Variants in DNAJB1 observed in about 807,000 individuals in gnomAD.
The protein encoded by DNAJB1 is DnaJ heat shock protein family (Hsp40) member B1.
DNAJB1 carries 14 observed loss-of-function variants against 24.0 expected under a neutral mutation model. The observed-to-expected ratio is 0.58, with a 90% CI of 0.39 to 0.91. DNAJB1 has a LOEUF of 0.91. Ranked by LOEUF, DNAJB1 falls within the 40% of genes least tolerant of loss-of-function variation. The pLI, the probability that DNAJB1 is intolerant of heterozygous loss-of-function variation, is 0.00. For synonymous variants in DNAJB1, 262 were observed against 174.4 expected, an observed-to-expected ratio of 1.50 and a Z score of -3.96; for missense variants, 517 against 458.1, an observed-to-expected ratio of 1.13 and a Z score of -1.17.
At position 14,516,762 on chromosome 19, in the gene DNAJB1, G is replaced by C; in HGVS notation, c.496C>G (p.His166Asp). ...ARKKQDPPVT[H>D]DLRVSLEEIY... ...TCTTCAAGGGAGACTCGAAGGTCGT[G>C]GGTGACTGGGGGATCTTGCTTCTTT... is the stretch of plus-strand genomic sequence containing the variant. Residue 166 changes from histidine to aspartate, a missense_variant, in exon 2 of 3, where the codon CAC becomes GAC. By Grantham distance (81) the His-to-Asp change is moderately conservative. Coordinates refer to ENST00000254322, the MANE Select transcript of DNAJB1 (RefSeq NM_006145.3). 1 of 1,614,022 alleles carries C rather than the reference G, an allele frequency of 6.2e-7. No individual in the cohort carries two copies. Among genetic ancestry groups the C allele is most frequent in the Non-Finnish European group, 8.5e-7 (1 of 1,180,030 alleles).
Position 14,515,875 on chromosome 19 carries a change from A to T in DNAJB1, c.*65T>A, listed in dbSNP as rs1160056395. ...CACCCTCTCATGGTCCACAACTGGT[A>T]GAAAGGTCCAGAAATCCTTGAGCTC... On this transcript the variant is annotated 3_prime_UTR_variant, in exon 3 of 3. Transcript: ENST00000254322. The T allele has an allele frequency of 4.6e-6, 7 of 1,511,578 alleles. No individual in the cohort carries two copies. The highest frequency in any genetic ancestry group is 6.3e-6 in the Non-Finnish European group (7 of 1,105,102). 93.6% of individuals were successfully genotyped at this position (1,511,578 alleles called of 1,614,324 possible). A position where few individuals can be genotyped will look rare whatever the true frequency, so the allele number is the denominator to read the frequency against.
At chr19:14,558,434 C>A (rs747331677) in intron 1 of DNAJB1, among the ~76,000 whole-genome samples, 1 of 152,182 alleles carries the variant, frequency 6.6e-6, no homozygotes, top group Non-Finnish European at 1.5e-5. Context: ...CGCTTCACGC[C>A]GCACCGTGTG....
chr19:14,518,012 G>T, intron 1 of DNAJB1, 127 bp downstream of exon 1: 1 of 1,059,162 alleles, frequency 9.4e-7, no homozygotes, highest in Non-Finnish European at 1.2e-6. Context: ...CGCGAGGCCG[G>T]AGGGCGGGGC....
upstream of DNAJB1, chr19:14,529,349 AG>A (rs2072519880): frequency 4.3e-6 from 2 of 466,444 alleles, no homozygotes; most frequent in Admixed American, 3.4e-5. Context: ...GGCGTGGCAA[AG>A]GGACGCGCGG....
chr19:14,529,480 C>A, upstream of DNAJB1: 1 of 685,334 alleles, frequency 1.5e-6, no homozygotes, highest in Non-Finnish European at 2.7e-6. Context: ...TGGTGCTAGT[C>A]CTAGTCTTGG....
At chr19:14,517,161 G>T in intron 1 of DNAJB1, 115 bp from the exon 2 acceptor site, 1 of 1,114,452 alleles carries the variant, frequency 9.0e-7, no homozygotes, top group Non-Finnish European at 1.3e-6. Flanking sequence ...TTGTCTGTCA[G>T]GGGAGAGCAA....
Position 14,543,896 on chromosome 19 carries a change from C to T in DNAJB1, c.-214+6312G>A, listed in dbSNP as rs1006627601. On this transcript the variant is annotated intron_variant, in intron 1 of 3. Coordinates refer to the DNAJB1 transcript ENST00000676982. ...GATTACAGGCATGCACCACCCCACA[C>T]CTGGCTTATTTTTGTATTTTTAGTA... Among the ~76,000 whole-genome samples, 4 of 151,632 alleles carry T rather than the reference C, an allele frequency of 2.6e-5. 1 individual carries two copies. The highest frequency in any genetic ancestry group is 3.9e-4 in the East Asian group (2 of 5,134).
At chr19:14,517,928 A>G (rs900912070) in intron 1 of DNAJB1, 2 of 434,132 alleles carry the variant, frequency 4.6e-6, no homozygotes, top group African/African-American at 4.2e-5. Context: ...CAGACATGCT[A>G]GAAGCTTCTG....
chr19:14,518,432 C>T (rs1248064756), upstream of DNAJB1: 45 of 1,189,264 alleles, frequency 3.8e-5, no homozygotes, highest in Non-Finnish European at 4.9e-5. Context: ...TATACCCGTC[C>T]GGCGGAAGCT....
chr19:14,555,574 TGGCTG>T (rs1436094916), intron 1 of DNAJB1, among the ~76,000 whole-genome samples: 3 of 151,160 alleles, frequency 2.0e-5, no homozygotes, highest in Middle Eastern at 3.4e-3. Context: ...GCCTCCCAAG[TGGCTG>T]GGATTACAGG....
intron 1 of DNAJB1, among the ~76,000 whole-genome samples, chr19:14,539,880 CTT>C (rs35738060): frequency 4.3e-4 from 61 of 142,326 alleles, no homozygotes; most frequent in South Asian, 4.5e-4. Context: ...TGTTTTCTTT[CTT>C]TTTTTTTTTT....
At chr19:14,553,198 G>A (rs975560237), upstream of DNAJB1, among the ~76,000 whole-genome samples, 3 of 152,150 alleles carry the variant, frequency 2.0e-5, no homozygotes, top group Non-Finnish European at 4.4e-5. Context: ...CTCGCTCGGG[G>A]CTCTGCTGGA....
chr19:14,535,898 G>T (rs1010301219), intron 1 of DNAJB1, among the ~76,000 whole-genome samples: 8 of 151,906 alleles, frequency 5.3e-5, no homozygotes, highest in African/African-American at 1.5e-4. Flanking sequence ...TTTCCTGCAG[G>T]CTTCTTGCTT....
upstream of DNAJB1, chr19:14,529,489 G>A (rs780843064): frequency 5.7e-6 from 4 of 699,146 alleles, no homozygotes; most frequent in Non-Finnish European, 1.0e-5. Flanking sequence ...TCCTAGTCTT[G>A]GTTCGGACCG....
upstream of DNAJB1, chr19:14,532,101 A>G (rs1439265701): frequency 1.3e-5 from 2 of 150,938 alleles, no homozygotes; most frequent in African/African-American, 4.9e-5. Context: ...TAGTTGGTTT[A>G]GTTTTGCTAG....
chr19:14,546,180 A>G (rs754619797), intron 1 of DNAJB1, among the ~76,000 whole-genome samples: 9 of 152,006 alleles, frequency 5.9e-5, no homozygotes, highest in Non-Finnish European at 8.8e-5. Context: ...GCTGGGGGCT[A>G]CTCAGCTGGG....
intron 1 of DNAJB1, among the ~76,000 whole-genome samples, chr19:14,559,459 C>T (rs1165307580): frequency 6.6e-6 from 1 of 152,036 alleles, no homozygotes; most frequent in African/African-American, 2.4e-5. Context: ...TTTCTTTTAC[C>T]CCACCTGGAA....
chr19:14,551,683 C>T (rs1255689905), upstream of DNAJB1, among the ~76,000 whole-genome samples: 3 of 151,990 alleles, frequency 2.0e-5, no homozygotes, highest in South Asian at 2.1e-4. Context: ...TGCTGATAGA[C>T]CTTTTGCTCT....
At chr19:14,529,056 TGGG>T (rs34217497) in intron 1 of DNAJB1, 1 of 156,304 alleles carries the variant, frequency 6.4e-6, no homozygotes, top group Non-Finnish European at 1.4e-5. Flanking sequence ...GGTTCCCAAA[TGGG>T]GAGCTTTTCG....
Sources: gnomAD v4.1 joint callset for allele counts (sites outside exome capture counted in the v4.1 genomes callset) on GRCh38, gnomAD v4.1.1 for gene constraint, MANE v1.5 for transcripts, NCBI Gene and HGNC (gene_info 2026-07-23, HGNC 2026-07-21) for gene names.